FRMPD2: variants seen among roughly 807,000 people sequenced by gnomAD.
The protein encoded by FRMPD2 is FERM and PDZ domain-containing protein 2.
In FRMPD2, 96 loss-of-function variants were observed where a neutral mutation model predicts 140.1. The observed-to-expected ratio is 0.69, with a 90% CI of 0.58 to 0.81. FRMPD2 has a LOEUF of 0.81. Ranked by LOEUF, FRMPD2 falls within the 40% of genes least tolerant of loss-of-function variation. The pLI, the probability that FRMPD2 is intolerant of heterozygous loss-of-function variation, is 0.00. For synonymous variants in FRMPD2, 449 were observed against 547.6 expected (o/e 0.82, Z 2.52); for missense variants, 1,240 against 1,447.4 (o/e 0.86, Z 2.32).
intron 15 of FRMPD2, among the ~76,000 whole-genome samples, chr10:48,195,961 G>A (rs1838940120): frequency 6.6e-6 from 1 of 152,208 alleles, no homozygotes; most frequent in African/African-American, 2.4e-5. Flanking sequence ...AGCAGAGGGA[G>A]TGGTCCATCC....
chr10:48,208,719 C>T (rs1488519360), intron 13 of FRMPD2, among the ~76,000 whole-genome samples: 5 of 152,166 alleles, frequency 3.3e-5, no homozygotes, highest in African/African-American at 1.2e-4. Flanking sequence ...TCCTAGGATG[C>T]TTCTCCTGGC....
chr10:48,234,577 A>G lies in FRMPD2; in HGVS notation c.993+1905T>C, dbSNP rs61840501. ...GGACAGGAAAGGAGGGGCTAAAGCA[A>G]CAGGGGCAAATGCTCCAGCCCAAGC... On this transcript the variant is annotated intron_variant, in intron 9 of 28. Coordinates refer to ENST00000374201, the MANE Select transcript of FRMPD2 (RefSeq NM_001018071.4). Among the ~76,000 whole-genome samples the G allele has an allele frequency of 3.6e-3, 551 of 152,272 alleles. 4 individuals carry two copies. Among genetic ancestry groups the G allele is most frequent in the Non-Finnish European group, 6.4e-3 (436 of 68,012 alleles).
chr10:48,244,642 G>C lies in FRMPD2; in HGVS notation c.375+142C>G, dbSNP rs1840202549. ...CTAGCAGGAAGGAGTTGTGTGATAAGTTCTCAACGCCTGCCTAGGACCTAG... is the reference window on the plus strand; with the variant it reads ...CTAGCAGGAAGGAGTTGTGTGATAACTTCTCAACGCCTGCCTAGGACCTAG... On this transcript the variant is annotated intron_variant, in intron 4 of 28. Transcript: ENST00000374201. 4.6e-6 allele frequency: 3 copies of C among 647,596 alleles called. No homozygotes were observed. The Admixed American group carries it at 6.9e-5, about 15-fold the overall frequency. The allele number at this position is 647,596 out of a possible 1,614,324, so 40.1% of individuals were successfully genotyped here.
chr10:48,198,363 A>T (rs1367754071), intron 15 of FRMPD2, among the ~76,000 whole-genome samples: 1 of 152,236 alleles, frequency 6.6e-6, no homozygotes, highest in Non-Finnish European at 1.5e-5. Context: ...CAGTAGGCAC[A>T]TGTGGCCATT....
chr10:48,272,628 T>C (rs1218789950), intron 1 of FRMPD2, among the ~76,000 whole-genome samples: 2 of 152,234 alleles, frequency 1.3e-5, no homozygotes, highest in Admixed American at 1.3e-4. Flanking sequence ...CCACAAAAAT[T>C]GGCAAAAGCT....
chr10:48,202,673 C>T (rs1446260966), intron 14 of FRMPD2, among the ~76,000 whole-genome samples: 4 of 152,222 alleles, frequency 2.6e-5, no homozygotes, highest in Non-Finnish European at 5.9e-5. Flanking sequence ...ATCATTTCAT[C>T]CACACTTTTT....
chr10:48,193,223 C>G (rs1399810847), intron 15 of FRMPD2, among the ~76,000 whole-genome samples: 2 of 152,184 alleles, frequency 1.3e-5, no homozygotes, highest in East Asian at 1.9e-4. Context: ...GAGCCTCCTG[C>G]GAAATCAGCT....
In FRMPD2 at chr10:48,201,313, G is replaced by A. The variant is rs1301618543; in HGVS notation, c.1869C>T (p.Thr623=). Residue 623 remains threonine, a synonymous_variant, in exon 15 of 29, where the codon ACC becomes ACT. Coordinates refer to ENST00000374201, the MANE Select transcript of FRMPD2 (RefSeq NM_001018071.4). The stretch of plus-strand genomic sequence containing the variant: ...AGCAGAGGTCCAGTAAGTATTTACT[G>A]GTCTTGGCTGAATCTGTGACAAATG... The part of the protein sequence containing the change: ...KHTFVTDSAK[T]SKYLLDLCSA... The A allele has an allele frequency of 1.5e-5, 25 of 1,613,762 alleles. No homozygotes were observed. Among genetic ancestry groups the A allele is most frequent in the Non-Finnish European group, 2.1e-5 (25 of 1,179,814 alleles).
At chr10:48,244,881 C>CT in intron 3 of FRMPD2, 32 bp from the exon 4 acceptor site, 8 of 1,446,572 alleles carry the variant, frequency 5.5e-6, no homozygotes, top group Non-Finnish European at 7.8e-6. Flanking sequence ...GATTAGATTT[C>CT]AATCATCTCT....
intron 1 of FRMPD2, among the ~76,000 whole-genome samples, chr10:48,273,018 C>T (rs913628762): frequency 6.6e-6 from 1 of 152,124 alleles, no homozygotes; most frequent in African/African-American, 2.4e-5. Context: ...AATCAAATGG[C>T]TATATAGAAT....
Position 48,212,085 on chromosome 10 carries a change from G to A in FRMPD2, c.1480C>T (p.His494Tyr). Residue 494 changes from histidine (H) to tyrosine (Y), a missense_variant, in exon 13 of 29, where the codon CAC (histidine) becomes TAC (tyrosine). His to Tyr is a moderately conservative substitution (Grantham distance 83, BLOSUM62 2). Around this residue, in one of 6 missense-constraint regions of FRMPD2, gnomAD observed 1,161 missense variants for 1,055.9 expected, o/e 1.10. Coordinates refer to ENST00000374201, the MANE Select transcript of FRMPD2 (RefSeq NM_001018071.4). ...CTCGCTGGGATGTAATCTTCAACGT[G>A]AAAGTATGGCTTACTCTCCACCTGC... ...KEQVESKPYFHVEDYIPASLI... is the reference protein window; with the variant it reads ...KEQVESKPYFYVEDYIPASLI... 13 of 1,614,070 alleles carry A rather than the reference G, an allele frequency of 8.1e-6. No homozygotes were observed. Among genetic ancestry groups the A allele is most frequent in the Non-Finnish European group, 1.1e-5 (13 of 1,179,984 alleles).
intron 13 of FRMPD2, among the ~76,000 whole-genome samples, chr10:48,207,933 T>C (rs1305795214): frequency 2.0e-5 from 3 of 152,210 alleles, no homozygotes; most frequent in East Asian, 3.8e-4. Flanking sequence ...ATGAAGTCCA[T>C]GCAGACAGCT....
At chr10:48,269,781 T>C (rs1194131568) in intron 1 of FRMPD2, among the ~76,000 whole-genome samples, 1 of 152,110 alleles carries the variant, frequency 6.6e-6, no homozygotes, top group Non-Finnish European at 1.5e-5. Flanking sequence ...GGTCCTTAAC[T>C]CACACTTGAC....
At chr10:48,238,414 T>C (rs1039920906) in intron 7 of FRMPD2, among the ~76,000 whole-genome samples, 1 of 152,208 alleles carries the variant, frequency 6.6e-6, no homozygotes, top group African/African-American at 2.4e-5. Flanking sequence ...ACCCCAGGTC[T>C]AGAGCAACCA....
chr10:48,221,512 A>C (rs187143612), intron 12 of FRMPD2, among the ~76,000 whole-genome samples: 116 of 152,314 alleles, frequency 7.6e-4, no homozygotes, highest in Non-Finnish European at 1.3e-3. Context: ...AATGCACCAA[A>C]ATTTCAGTAA....
intron 12 of FRMPD2, among the ~76,000 whole-genome samples, chr10:48,221,694 G>A (rs1839589500): frequency 6.6e-6 from 1 of 152,180 alleles, no homozygotes; most frequent in Admixed American, 6.5e-5. Flanking sequence ...ACTGTCTTTA[G>A]GAGGTACCTA....
chr10:48,267,420 A>G (rs897343339), intron 1 of FRMPD2, among the ~76,000 whole-genome samples: 7 of 152,274 alleles, frequency 4.6e-5, no homozygotes, highest in Non-Finnish European at 7.3e-5. Flanking sequence ...AAGACTGAGT[A>G]GAGAATCCAC....
rs1838500406 is a variant in FRMPD2, at chr10:48,179,902, G to T, written c.2790+901C>A. On this transcript the variant is annotated intron_variant, in intron 21 of 28. Coordinates refer to ENST00000374201, the MANE Select transcript of FRMPD2 (RefSeq NM_001018071.4). ...AGGTCGTGGGAGACCTGTTTTCAAA[G>T]GTCTTGCCAGCCTTTGGAGAAACCA... Among the ~76,000 whole-genome samples the T allele has an allele frequency of 3.9e-5, 6 of 152,230 alleles. No homozygotes were observed. In the South Asian group the frequency reaches 1.2e-3, roughly 32 times the overall value.
chr10:48,271,106 T>C (rs1840758805), intron 1 of FRMPD2, among the ~76,000 whole-genome samples: 1 of 152,226 alleles, frequency 6.6e-6, no homozygotes, highest in Non-Finnish European at 1.5e-5. Context: ...GAGCAAGATT[T>C]GCAGGACCTC....
Sources: gnomAD v4.1 joint callset for allele counts (sites outside exome capture counted in the v4.1 genomes callset) on GRCh38, gnomAD v4.1.1 for gene constraint, gnomAD v4.1.1 regional missense constraint, MANE v1.5 for transcripts, NCBI Gene and HGNC (gene_info 2026-07-23, HGNC 2026-07-21) for gene names.